The following SLIT2 variants were observed in gnomAD, a reference collection of about 807,000 sequenced individuals.
The protein encoded by SLIT2 is slit homolog 2 protein.
SLIT2 carries 41 observed loss-of-function variants against 185.7 expected under a neutral mutation model. That is an observed-to-expected ratio of 0.22 (90% CI 0.17 to 0.29). SLIT2 has a LOEUF of 0.29. Among genes scored for constraint, SLIT2 ranks in the 10% least tolerant of loss-of-function variants. The pLI is 1.00. For synonymous variants in SLIT2, 693 were observed against 680.2 expected, an observed-to-expected ratio of 1.02 and a Z score of -0.29; for missense variants, 1,571 against 1,909.0, an observed-to-expected ratio of 0.82 and a Z score of 3.30.
At chr4:20,319,861 G>A (rs1330509178) in intron 4 of SLIT2, among the ~76,000 whole-genome samples, 1 of 151,828 alleles carries the variant, frequency 6.6e-6, no homozygotes, top group African/African-American at 2.4e-5. Flanking sequence ...ACCTTCCTGG[G>A]AGTATCTTTG....
At chr4:20,595,640 T>C in intron 30 of SLIT2, 57 bp from the exon 31 acceptor site, 3 of 1,600,112 alleles carry the variant, frequency 1.9e-6, no homozygotes, top group Non-Finnish European at 2.6e-6. Flanking sequence ...ATAAAATGCA[T>C]TGTTTACTTA....
chr4:20,611,996 C>T (rs1222172723), intron 34 of SLIT2, among the ~76,000 whole-genome samples: 1 of 152,040 alleles, frequency 6.6e-6, no homozygotes, highest in Non-Finnish European at 1.5e-5. Flanking sequence ...ATGGACTTTT[C>T]GTTCACTTGA....
At chr4:20,605,582 A>T (rs1434761330) in intron 33 of SLIT2, among the ~76,000 whole-genome samples, 6 of 152,190 alleles carry the variant, frequency 3.9e-5, no homozygotes, top group African/African-American at 1.4e-4. Flanking sequence ...ACCCAAAAGG[A>T]TGCCATGCAT....
At chr4:20,434,275 G>A (rs1729194877) in intron 4 of SLIT2, among the ~76,000 whole-genome samples, 1 of 151,454 alleles carries the variant, frequency 6.6e-6, no homozygotes, top group African/African-American at 2.4e-5. Context: ...ATCACGTGAG[G>A]TCGGGAGTTT....
intron 4 of SLIT2, among the ~76,000 whole-genome samples, chr4:20,317,112 T>C (rs1718663321): frequency 6.6e-6 from 1 of 151,948 alleles, no homozygotes; most frequent in African/African-American, 2.4e-5. Context: ...AGTTGTCAGA[T>C]GGTTTGCTTC....
At chr4:20,348,498 C>T (rs146524309) in intron 4 of SLIT2, among the ~76,000 whole-genome samples, 65 of 152,162 alleles carry the variant, frequency 4.3e-4, no homozygotes, top group African/African-American at 1.5e-3. Context: ...ATCCGCCTGC[C>T]TTGGCCTCCC....
chr4:20,429,675 A>C (rs2109494893), intron 4 of SLIT2, among the ~76,000 whole-genome samples: 1 of 152,346 alleles, frequency 6.6e-6, no homozygotes, highest in Non-Finnish European at 1.5e-5. Flanking sequence ...TTGAGAATTG[A>C]GTATTTCAGC....
chr4:20,337,892 GA>G (rs1014003174), intron 4 of SLIT2, among the ~76,000 whole-genome samples: 19 of 146,062 alleles, frequency 1.3e-4, no homozygotes, highest in African/African-American at 2.0e-4. Flanking sequence ...TGTTTTAAAA[GA>G]AAAAAAAAAT....
intron 4 of SLIT2, among the ~76,000 whole-genome samples, chr4:20,432,104 A>G (rs772135681): frequency 7.2e-5 from 11 of 151,932 alleles, no homozygotes; most frequent in Middle Eastern, 3.4e-3. Flanking sequence ...CAGGAGAGAA[A>G]TTTTTCTGTA....
At chr4:20,569,593 G>T (rs562637556) in intron 29 of SLIT2, among the ~76,000 whole-genome samples, 2 of 151,926 alleles carry the variant, frequency 1.3e-5, no homozygotes, top group African/African-American at 4.8e-5. Context: ...AAACCAATTT[G>T]CTCTAAAGTC....
intron 36 of SLIT2, 119 bp downstream of exon 36, chr4:20,617,769 G>C (rs1729797030): frequency 1.5e-6 from 1 of 682,210 alleles, no homozygotes; most frequent in African/African-American, 1.8e-5. Context: ...CAGAGACAGA[G>C]AGAGGGGAGT....
chr4:20,584,434 A>G (rs1726873825), intron 29 of SLIT2, among the ~76,000 whole-genome samples: 2 of 152,210 alleles, frequency 1.3e-5, no homozygotes, highest in African/African-American at 4.8e-5. Context: ...AACATTTATC[A>G]TCCAAATCAG....
chr4:20,357,370 A>G (rs1231560826), intron 4 of SLIT2, among the ~76,000 whole-genome samples: 1 of 152,200 alleles, frequency 6.6e-6, no homozygotes, highest in African/African-American at 2.4e-5. Flanking sequence ...GATGTTTGAT[A>G]GTATCAATAC....
intron 4 of SLIT2, among the ~76,000 whole-genome samples, chr4:20,340,699 C>T (rs1263327422): frequency 1.3e-5 from 2 of 152,160 alleles, no homozygotes; most frequent in African/African-American, 4.8e-5. Flanking sequence ...CTTCCAGGTT[C>T]ATGCCATTCT....
chr4:20,612,886 C>T (rs944523124), intron 34 of SLIT2, among the ~76,000 whole-genome samples: 1 of 143,346 alleles, frequency 7.0e-6, no homozygotes, highest in Non-Finnish European at 1.5e-5. Context: ...CCACTGCACT[C>T]CAGCCTGGGC....
chr4:20,585,054 C>G (rs938215506), intron 29 of SLIT2, among the ~76,000 whole-genome samples: 1 of 150,494 alleles, frequency 6.6e-6, no homozygotes, highest in African/African-American at 2.4e-5. Flanking sequence ...GACTCTATCT[C>G]AAAAAAAACA....
intron 4 of SLIT2, among the ~76,000 whole-genome samples, chr4:20,313,352 A>G (rs1386044857): frequency 6.6e-6 from 1 of 152,112 alleles, no homozygotes; most frequent in African/African-American, 2.4e-5. Context: ...CAGATGCCGT[A>G]TGTTTTTAAA....
chr4:20,524,023 C>T lies in SLIT2; in HGVS notation c.1284C>T (p.Ala428=), dbSNP rs1308863726. The T allele has an allele frequency of 3.7e-6, 6 of 1,613,984 alleles. No homozygotes were observed. The highest frequency in any genetic ancestry group is 5.1e-6 in the Non-Finnish European group (6 of 1,180,008). ...GTATGTGTTTCCAAAGGCATTTGGC[C>T]CAGAACCCCTTTATTTGTGACTGCC... ...PLRAIQTMHL[A]QNPFICDCHL... Residue 428 remains alanine (A), a synonymous_variant, in exon 14 of 37, where the codon GCC becomes GCT. Coordinates refer to ENST00000504154, the MANE Select transcript of SLIT2 (RefSeq NM_004787.4).
chr4:20,340,322 G>A (rs1449666228), intron 4 of SLIT2, among the ~76,000 whole-genome samples: 2 of 151,994 alleles, frequency 1.3e-5, no homozygotes, highest in Admixed American at 6.6e-5. Context: ...GGGAAGAGAA[G>A]GAGAAATAAT....
Sources: allele counts gnomAD v4.1 joint callset (sites outside exome capture counted in the v4.1 genomes callset), GRCh38; gene constraint gnomAD v4.1.1; transcripts MANE v1.5; gene names NCBI Gene and HGNC (gene_info 2026-07-23, HGNC 2026-07-21).